Variants in QRICH1 observed in about 807,000 individuals in gnomAD.
QRICH1 encodes the protein transcriptional regulator QRICH1.
In QRICH1, 16 loss-of-function variants were observed where a neutral mutation model predicts 87.1. The ratio of observed to expected loss-of-function variants is 0.18; its 90% CI spans 0.12 to 0.28. The LOEUF (loss-of-function observed/expected upper bound fraction) is 0.28. QRICH1 is among the 10% of genes least tolerant of loss of function. The pLI, the probability that QRICH1 is intolerant of heterozygous loss-of-function variation, is 1.00. For missense variants in QRICH1, 647 were observed against 951.7 expected (o/e 0.68, Z 4.21); for synonymous variants, 367 against 368.4 (o/e 1.00, Z 0.05).
chr3:49,047,947 C>G (rs1037682448), intron 3 of QRICH1, among the ~76,000 whole-genome samples: 1 of 150,948 alleles, frequency 6.6e-6, no homozygotes, highest in African/African-American at 2.5e-5. Context: ...AAAGAAAAAA[C>G]AAAACAAAAC....
chr3:49,073,528 G>C (rs1473665164), intron 2 of QRICH1, among the ~76,000 whole-genome samples: 1 of 150,210 alleles, frequency 6.7e-6, no homozygotes, highest in Non-Finnish European at 1.5e-5. Flanking sequence ...TGACACAGTG[G>C]GACTCCATCT....
intron 2 of QRICH1, among the ~76,000 whole-genome samples, chr3:49,062,222 C>A (rs905900051): frequency 1.2e-4 from 18 of 151,772 alleles, no homozygotes. Context: ...GTAATCCCAG[C>A]TACTCGGAAG....
At chr3:49,046,735 GAGT>G (rs1406889643) in intron 4 of QRICH1, among the ~76,000 whole-genome samples, 156 bp from the exon 5 acceptor site, 1 of 152,188 alleles carries the variant, frequency 6.6e-6, no homozygotes, top group African/African-American at 2.4e-5. Flanking sequence ...CCTATAACAT[GAGT>G]ATATGAGCCT....
intron 2 of QRICH1, among the ~76,000 whole-genome samples, chr3:49,066,759 C>T (rs1314110629): frequency 6.6e-6 from 1 of 152,016 alleles, no homozygotes; most frequent in Non-Finnish European, 1.5e-5. Flanking sequence ...TTTAAAAGGC[C>T]AAGTGAGGTG....
At chr3:49,058,751 C>A (rs900169146) in intron 2 of QRICH1, among the ~76,000 whole-genome samples, 1 of 152,006 alleles carries the variant, frequency 6.6e-6, no homozygotes, top group African/African-American at 2.4e-5. Flanking sequence ...GCCTCAGCCT[C>A]CTGAGTAGCT....
intron 3 of QRICH1, among the ~76,000 whole-genome samples, chr3:49,052,888 C>CAGT (rs775452906): frequency 2.0e-5 from 3 of 152,148 alleles, no homozygotes; most frequent in African/African-American, 7.2e-5. Flanking sequence ...ACAGAAGTAT[C>CAGT]AGTACATACT....
chr3:49,030,126 T>C lies in QRICH1; in HGVS notation c.*326A>G, dbSNP rs891065700. On this transcript the variant is annotated 3_prime_UTR_variant, in exon 10 of 10. Transcript: ENST00000395443. ...CATCCATCATTAATTCCATCTCTCT[T>C]GAAGATGGAAAGGGGCCACATTTCT... 5 of 418,752 alleles carry C rather than the reference T, an allele frequency of 1.2e-5. No homozygotes were observed. Among genetic ancestry groups the C allele is most frequent in the Non-Finnish European group, 2.1e-5 (5 of 236,790 alleles). 25.9% of individuals were successfully genotyped at this position (418,752 alleles called of 1,614,324 possible).
intron 2 of QRICH1, 125 bp from the exon 3 acceptor site, chr3:49,058,015 A>C: frequency 6.6e-7 from 1 of 1,515,942 alleles, no homozygotes; most frequent in Non-Finnish European, 8.9e-7. Flanking sequence ...TGGCATACTC[A>C]AGGCTTCTGA....
chr3:49,067,781 C>G (rs1195986974), intron 2 of QRICH1, among the ~76,000 whole-genome samples: 1 of 151,990 alleles, frequency 6.6e-6, no homozygotes, highest in African/African-American at 2.4e-5. Context: ...GAGATTGAGA[C>G]CATCCTGGCC....
At chr3:49,082,179 C>T (rs551239467) in intron 1 of QRICH1, among the ~76,000 whole-genome samples, 3 of 152,150 alleles carry the variant, frequency 2.0e-5, no homozygotes, top group African/African-American at 7.2e-5. Context: ...TCACCTCAAG[C>T]GATCTGCCCA....
At chr3:49,091,753 C>A (rs936493853) in intron 1 of QRICH1, among the ~76,000 whole-genome samples, 5 of 152,064 alleles carry the variant, frequency 3.3e-5, no homozygotes, top group African/African-American at 4.8e-5. Context: ...ATAAAGATAA[C>A]CCAGAACAAG....
At chr3:49,059,734 T>A (rs1029352604) in intron 2 of QRICH1, among the ~76,000 whole-genome samples, 2 of 150,710 alleles carry the variant, frequency 1.3e-5, no homozygotes, top group South Asian at 4.2e-4. Flanking sequence ...ATTTATTTAT[T>A]TTCTGAGATG....
chr3:49,058,348 C>T (rs1431276368), intron 2 of QRICH1, among the ~76,000 whole-genome samples: 1 of 144,890 alleles, frequency 6.9e-6, no homozygotes, highest in East Asian at 2.0e-4. Flanking sequence ...TTTTTTTTCC[C>T]CAAATTCTCA....
chr3:49,063,359 TAAG>T (rs2093446309), intron 2 of QRICH1, among the ~76,000 whole-genome samples: 1 of 152,214 alleles, frequency 6.6e-6, no homozygotes, highest in Non-Finnish European at 1.5e-5. Flanking sequence ...TCTGAAATTC[TAAG>T]AAGTGGTTTT....
intron 3 of QRICH1, among the ~76,000 whole-genome samples, chr3:49,050,728 C>A (rs1262796092): frequency 1.3e-5 from 2 of 151,642 alleles, no homozygotes; most frequent in Non-Finnish European, 2.9e-5. Context: ...CAACAAAAAC[C>A]TATTACTCAA....
rs548349546 is a variant in QRICH1, at chr3:49,032,375, T to C, written c.2048-102A>G. Reference sequence around the variant, plus strand: ...GCTTTCAGCCAGCCCAACTAGGAAATACAGGGTCGGGGGAGGGAAGGTATG... The same window carrying C: ...GCTTTCAGCCAGCCCAACTAGGAAACACAGGGTCGGGGGAGGGAAGGTATG... On this transcript the variant is annotated intron_variant, in intron 8 of 9. Transcript: ENST00000395443. 96 of 563,290 alleles carry C rather than the reference T, an allele frequency of 1.7e-4. 1 individual carries two copies. In the South Asian group the frequency reaches 2.4e-3, roughly 14 times the overall value. The allele number at this position is 563,290 out of a possible 1,614,324, so 34.9% of individuals were successfully genotyped here. A position where few individuals can be genotyped will look rare whatever the true frequency, so the allele number is the denominator to read the frequency against.
chr3:49,050,075 G>C (rs1177577188), intron 3 of QRICH1, among the ~76,000 whole-genome samples: 1 of 149,456 alleles, frequency 6.7e-6, no homozygotes, highest in South Asian at 2.1e-4. Flanking sequence ...GGTGGCTCAC[G>C]CCTGTAATCC....
chr3:49,077,877 G>A (rs1457896104), intron 1 of QRICH1, among the ~76,000 whole-genome samples: 1 of 152,042 alleles, frequency 6.6e-6, no homozygotes, highest in African/African-American at 2.4e-5. Flanking sequence ...AAATATCCAG[G>A]TCACTACTAA....
intron 1 of QRICH1, among the ~76,000 whole-genome samples, chr3:49,086,724 C>CT (rs1293387985): frequency 1.3e-5 from 2 of 152,012 alleles, no homozygotes; most frequent in African/African-American, 4.8e-5. Flanking sequence ...TAATTTTTTT[C>CT]TTTTTTCCGT....
Sources: gnomAD v4.1 joint callset for allele counts (sites outside exome capture counted in the v4.1 genomes callset) on GRCh38, gnomAD v4.1.1 for gene constraint, MANE v1.5 for transcripts, NCBI Gene and HGNC (gene_info 2026-07-23, HGNC 2026-07-21) for gene names.